ANKFN1: variants seen among roughly 807,000 people sequenced by gnomAD.
ANKFN1 encodes the protein ankyrin repeat and fibronectin type III domain containing 1, also known as ankyrin repeat and fibronectin type-III domain-containing protein 1.
Under a neutral mutation model 108.7 loss-of-function variants are expected in ANKFN1, and 74 were observed. That is an observed-to-expected ratio of 0.68 (90% confidence interval 0.56 to 0.83). The LOEUF is 0.83. ANKFN1 is among the 40% of genes least tolerant of loss of function. The pLI, the probability that ANKFN1 is intolerant of heterozygous loss-of-function variation, is 0.00. For synonymous variants in ANKFN1, 547 were observed against 516.2 expected (o/e 1.06, Z -0.81); for missense variants, 1,505 against 1,382.3 (o/e 1.09, Z -1.41).
At chr17:56,285,005 C>T (rs1474502341) in intron 3 of ANKFN1, among the ~76,000 whole-genome samples, 3 of 152,152 alleles carry the variant, frequency 2.0e-5, no homozygotes, top group African/African-American at 7.2e-5. Flanking sequence ...TGGCACAAGT[C>T]AAGATCTTAT....
At chr17:56,216,013 A>C (rs1240716039) in intron 2 of ANKFN1, among the ~76,000 whole-genome samples, 2 of 152,218 alleles carry the variant, frequency 1.3e-5, no homozygotes, top group Non-Finnish European at 2.9e-5. Flanking sequence ...GCTCCGATTC[A>C]TAAGGAATTC....
intron 1 of ANKFN1, among the ~76,000 whole-genome samples, chr17:56,194,867 G>A (rs1169063205): frequency 2.0e-5 from 3 of 152,290 alleles, no homozygotes; most frequent in Admixed American, 2.0e-4. Flanking sequence ...CAATTTTGCT[G>A]TGAATCTAAA....
intron 8 of ANKFN1, among the ~76,000 whole-genome samples, chr17:56,385,261 A>T (rs1015451187): frequency 1.3e-5 from 2 of 152,230 alleles, no homozygotes; most frequent in African/African-American, 4.8e-5. Context: ...AAAACTGGCT[A>T]GCCATATGTA....
chr17:56,256,813 T>C (rs1050145025), intron 3 of ANKFN1, among the ~76,000 whole-genome samples: 2 of 152,200 alleles, frequency 1.3e-5, no homozygotes, highest in African/African-American at 2.4e-5. Flanking sequence ...GTGACTCATC[T>C]GGAATTCAAA....
At position 56,515,498 on chromosome 17, in the gene ANKFN1, A is replaced by G. The variant is rs1257449228; in HGVS notation, c.*4229A>G. Among the ~76,000 whole-genome samples the G allele has an allele frequency of 6.6e-6, 1 of 152,212 alleles. No homozygotes were observed. Among genetic ancestry groups the G allele is most frequent in the Admixed American group, 6.5e-5 (1 of 15,290 alleles). Reference sequence around the variant, plus strand: ...CATAGGTAATAGGGTGAGCAAGGAAAAAAACTGTTTTCTTTGCTGGTCACC... The same window carrying G: ...CATAGGTAATAGGGTGAGCAAGGAAGAAAACTGTTTTCTTTGCTGGTCACC... On this transcript the variant is annotated 3_prime_UTR_variant, in exon 21 of 21. Transcript: ENST00000682825.
At chr17:56,385,295 C>T (rs2047227614) in intron 8 of ANKFN1, among the ~76,000 whole-genome samples, 1 of 152,164 alleles carries the variant, frequency 6.6e-6, no homozygotes, top group Non-Finnish European at 1.5e-5. Flanking sequence ...GGATCCCTTC[C>T]TTACACCTTA....
intron 4 of ANKFN1, among the ~76,000 whole-genome samples, chr17:56,065,722 C>G (rs2082253): frequency 0.71 from 108,329 of 151,990 alleles, 39,428 homozygotes; most frequent in Non-Finnish European, 0.81. Flanking sequence ...AGTTATCTGT[C>G]TCATATAGTG....
chr17:56,100,125 A>C (rs895563902), intron 4 of ANKFN1, among the ~76,000 whole-genome samples: 1 of 152,256 alleles, frequency 6.6e-6, no homozygotes, highest in Non-Finnish European at 1.5e-5. Context: ...TCCAATATTC[A>C]AGCCACAATT....
chr17:56,071,554 A>G (rs150750260), intron 4 of ANKFN1, among the ~76,000 whole-genome samples: 25 of 152,380 alleles, frequency 1.6e-4, no homozygotes, highest in African/African-American at 5.8e-4. Context: ...TTTCTTTAAG[A>G]ATCAACCTAA....
chr17:56,200,819 A>G (rs1281337992), intron 1 of ANKFN1, among the ~76,000 whole-genome samples: 1 of 152,252 alleles, frequency 6.6e-6, no homozygotes, highest in Non-Finnish European at 1.5e-5. Flanking sequence ...TTGATGAAGC[A>G]GAGGCAATCT....
At chr17:56,306,831 T>G (rs1401188518) in intron 3 of ANKFN1, among the ~76,000 whole-genome samples, 1 of 152,110 alleles carries the variant, frequency 6.6e-6, no homozygotes, top group African/African-American at 2.4e-5. Context: ...CAAACTATAC[T>G]ACAAGGCTAC....
chr17:56,247,624 A>G (rs141109281), intron 3 of ANKFN1, among the ~76,000 whole-genome samples: 1,609 of 152,290 alleles, frequency 0.011, 19 homozygotes, highest in South Asian at 0.035. Flanking sequence ...ATTACATTTT[A>G]TAGAAGAAAT....
At chr17:56,467,563 C>G (rs949957908) in intron 15 of ANKFN1, among the ~76,000 whole-genome samples, 5 of 150,742 alleles carry the variant, frequency 3.3e-5, no homozygotes, top group Admixed American at 2.6e-4. Flanking sequence ...ACCTCTAATC[C>G]CGGCTACTCA....
chr17:56,369,851 A>G (rs2046762946), intron 6 of ANKFN1, among the ~76,000 whole-genome samples: 1 of 152,204 alleles, frequency 6.6e-6, no homozygotes, highest in Admixed American at 6.5e-5. Flanking sequence ...ACTTTTAACA[A>G]CAGATGCAAA....
intron 3 of ANKFN1, among the ~76,000 whole-genome samples, chr17:56,266,704 C>T (rs2144151772): frequency 6.6e-6 from 1 of 152,188 alleles, no homozygotes. Flanking sequence ...GTTTCTGCAT[C>T]TTTTGTAAAT....
rs1904682829 is a variant in ANKFN1 at position 56,046,628 on chromosome 17, A to G, written c.288+303A>G. Among the ~76,000 whole-genome samples, 3 of 152,128 alleles carry G rather than the reference A, an allele frequency of 2.0e-5. No individual in the cohort carries two copies. In the South Asian group the frequency reaches 6.2e-4, roughly 31 times the overall value. ...CTGTCCAGAGGAGCTTTCCCAGGTG[A>G]AAGAACTCCCTAGAGGGTTTCTTTC... On this transcript the variant is annotated intron_variant, in intron 4 of 12. Coordinates refer to the ANKFN1 transcript ENST00000635860.
intron 8 of ANKFN1, among the ~76,000 whole-genome samples, chr17:56,381,022 A>G (rs1194275476): frequency 6.6e-6 from 1 of 152,170 alleles, no homozygotes; most frequent in Non-Finnish European, 1.5e-5. Context: ...AAGCAGCCTA[A>G]CTGGGAGGCA....
chr17:56,414,285 T>G (rs2048177615), intron 8 of ANKFN1, among the ~76,000 whole-genome samples: 1 of 152,176 alleles, frequency 6.6e-6, no homozygotes, highest in Non-Finnish European at 1.5e-5. Flanking sequence ...TCTTTGTACA[T>G]CTGGTGAATT....
chr17:56,163,165 G>A (rs1490717325), intron 1 of ANKFN1, among the ~76,000 whole-genome samples: 5 of 152,108 alleles, frequency 3.3e-5, no homozygotes, highest in South Asian at 2.1e-4. Context: ...CCCCCAGCCC[G>A]TTCTTTCTCT....
Sources: allele counts gnomAD v4.1 joint callset (sites outside exome capture counted in the v4.1 genomes callset), GRCh38; gene constraint gnomAD v4.1.1; transcripts MANE v1.5; gene names NCBI Gene and HGNC (gene_info 2026-07-23, HGNC 2026-07-21).